The following ZNHIT6 variants were observed in gnomAD, a reference collection of about 807,000 sequenced individuals.
The protein encoded by ZNHIT6 is zinc finger HIT-type containing 6, also known as box C/D snoRNA protein 1.
Under a neutral mutation model 57.2 loss-of-function variants are expected in ZNHIT6, and 45 were observed. The ratio of observed to expected loss-of-function variants is 0.79; its 90% confidence interval spans 0.62 to 1.01. The LOEUF is 1.01. Ranked by LOEUF, ZNHIT6 falls within the 50% of genes least tolerant of loss-of-function variation. ZNHIT6 has a pLI of 0.00. For missense variants in ZNHIT6, 528 were observed against 567.3 expected (o/e 0.93, Z 0.70); for synonymous variants, 188 against 190.0 (o/e 0.99, Z 0.09).
intron 4 of ZNHIT6, among the ~76,000 whole-genome samples, chr1:85,705,377 G>T (rs1214063404): frequency 2.6e-5 from 4 of 151,984 alleles, no homozygotes; most frequent in Admixed American, 6.6e-5. Context: ...ACCACGCCTG[G>T]CTAATTTTTG....
chr1:85,666,068 A>C lies in ZNHIT6; in HGVS notation c.1248-8097T>G, dbSNP rs1661361315. On this transcript the variant is annotated intron_variant, in intron 8 of 9. Coordinates refer to ENST00000370574, the MANE Select transcript of ZNHIT6 (RefSeq NM_017953.4). ...CCTCATTCAACAAATATTTACTGAG[A>C]GTCTACCATGTTCCAGACACTGTTC... Among the ~76,000 whole-genome samples the C allele has an allele frequency of 2.0e-5, 3 of 152,208 alleles. No individual in the cohort carries two copies. The South Asian group carries it at 6.2e-4, about 31-fold the overall frequency.
Position 85,652,124 on chromosome 1 carries a change from AATTT to A in ZNHIT6, c.*1930_*1933del, listed in dbSNP as rs1159364927. The A allele has an allele frequency of 6.6e-6, 1 of 152,142 alleles. No homozygotes were observed. The highest frequency in any genetic ancestry group is 1.5e-5 in the Non-Finnish European group (1 of 68,026). The allele number at this position is 152,142 out of a possible 1,614,324, so 9.4% of individuals were successfully genotyped here. A position where few individuals can be genotyped will look rare whatever the true frequency, so the allele number is the denominator to read the frequency against. On this transcript the variant is annotated 3_prime_UTR_variant, in exon 10 of 10. Transcript: ENST00000370574. ...ATAGTTTGTTTTCTGTCCAGGTTTC[AATTT>A]AAATTCAGAAGGGGGGATGGAACTC...
At chr1:85,654,179 T>C in intron 9 of ZNHIT6, 81 bp from the exon 10 acceptor site, 1 of 1,222,622 alleles carries the variant, frequency 8.2e-7, no homozygotes, top group Non-Finnish European at 1.2e-6. Context: ...TCTCCCTCCT[T>C]CTGATGTACA....
At chr1:85,666,237 A>C (rs572491038) in intron 8 of ZNHIT6, among the ~76,000 whole-genome samples, 1 of 152,316 alleles carries the variant, frequency 6.6e-6, no homozygotes, top group Admixed American at 6.5e-5. Context: ...GGATATGTTT[A>C]AAGTACTGAG....
intron 4 of ZNHIT6, among the ~76,000 whole-genome samples, chr1:85,705,664 T>C (rs1025895368): frequency 2.0e-5 from 3 of 152,208 alleles, no homozygotes; most frequent in African/African-American, 7.2e-5. Flanking sequence ...CCTGGGATAA[T>C]CTGCCTCCAA....
chr1:85,698,899 A>G (rs1450930624), intron 5 of ZNHIT6, among the ~76,000 whole-genome samples: 6 of 152,146 alleles, frequency 3.9e-5, no homozygotes, highest in African/African-American at 1.2e-4. Context: ...TAAGGATTTC[A>G]GTGAAGGGAA....
intron 9 of ZNHIT6, among the ~76,000 whole-genome samples, chr1:85,657,617 T>A (rs1342293895): frequency 6.6e-6 from 1 of 152,134 alleles, no homozygotes; most frequent in East Asian, 1.9e-4. Flanking sequence ...TTATAGCCAT[T>A]CAATTTGATT....
chr1:85,687,571 A>G (rs1285441082), intron 5 of ZNHIT6, among the ~76,000 whole-genome samples: 1 of 152,108 alleles, frequency 6.6e-6, no homozygotes, highest in East Asian at 1.9e-4. Context: ...TTACAGGGAG[A>G]TTCATCATCC....
intron 5 of ZNHIT6, among the ~76,000 whole-genome samples, chr1:85,682,552 G>A (rs1661910088): frequency 6.6e-6 from 1 of 152,022 alleles, no homozygotes; most frequent in Admixed American, 6.6e-5. Flanking sequence ...AGAGAGAAAA[G>A]CCCTCGGAAA....
rs1191943086 is a variant in ZNHIT6, at chr1:85,650,273, C to T, written c.*3785G>A. 6.6e-6 allele frequency: 1 copy of T among 152,188 alleles called. No homozygotes were observed. Among genetic ancestry groups the T allele is most frequent in the Non-Finnish European group, 1.5e-5 (1 of 68,044 alleles). 9.4% of individuals were successfully genotyped at this position (152,188 alleles called of 1,614,324 possible). The stretch of plus-strand genomic sequence containing the variant: ...GAAAATGTCAATTGCTGTTATCCAC[C>T]ATCCTCTCACCTCACTGTTCCTCAT... On this transcript the variant is annotated 3_prime_UTR_variant, in exon 10 of 10. Coordinates refer to ENST00000370574, the MANE Select transcript of ZNHIT6 (RefSeq NM_017953.4).
intron 5 of ZNHIT6, among the ~76,000 whole-genome samples, chr1:85,688,653 A>G (rs1242918936): frequency 6.6e-6 from 1 of 152,188 alleles, no homozygotes; most frequent in East Asian, 1.9e-4. Context: ...GAAAATCAAC[A>G]TACTTTCCTG....
At chr1:85,678,806 A>C in intron 6 of ZNHIT6, 25 bp from the exon 7 acceptor site, 1 of 1,265,332 alleles carries the variant, frequency 7.9e-7, no homozygotes, top group African/African-American at 1.6e-5. Context: ...AAAAAAAACA[A>C]GCTATATTAG....
At chr1:85,684,775 C>A (rs1205197626) in intron 5 of ZNHIT6, among the ~76,000 whole-genome samples, 2 of 152,118 alleles carry the variant, frequency 1.3e-5, no homozygotes, top group Admixed American at 6.6e-5. Context: ...GATGAACACA[C>A]ACATTTAAGG....
intron 4 of ZNHIT6, among the ~76,000 whole-genome samples, chr1:85,703,844 C>A (rs1259048517): frequency 6.6e-6 from 1 of 152,024 alleles, no homozygotes; most frequent in Non-Finnish European, 1.5e-5. Context: ...AAAGACAAGA[C>A]AAAGACTAGA....
At chr1:85,703,032 G>A (rs1423886811) in intron 4 of ZNHIT6, among the ~76,000 whole-genome samples, 1 of 152,124 alleles carries the variant, frequency 6.6e-6, no homozygotes, top group African/African-American at 2.4e-5. Context: ...AGGAAAGGAT[G>A]GGTCAGCTAT....
At chr1:85,707,569 C>T in intron 1 of ZNHIT6, 60 bp downstream of exon 1, 2 of 1,468,214 alleles carry the variant, frequency 1.4e-6, no homozygotes, top group East Asian at 2.3e-5. Flanking sequence ...TGGTTTCCTT[C>T]ACTCTAGACA....
rs891437582 is a variant in ZNHIT6 at position 85,652,067 on chromosome 1, T to A, written c.*1991A>T. The A allele has an allele frequency of 3.9e-5, 6 of 152,178 alleles. No homozygotes were observed. The highest frequency in any genetic ancestry group is 3.9e-4 in the Admixed American group (6 of 15,284). The allele number at this position is 152,178 out of a possible 1,614,324, so 9.4% of individuals were successfully genotyped here. A position where few individuals can be genotyped will look rare whatever the true frequency, so the allele number is the denominator to read the frequency against. ...AGATGCATTAGATAATATAGATTTC[T>A]TTTTTTCCTCCTGAGCAGTGGAAAC... On this transcript the variant is annotated 3_prime_UTR_variant, in exon 10 of 10. Transcript: ENST00000370574.
Position 85,695,151 on chromosome 1 carries a change from C to T in ZNHIT6, c.1019+7006G>A, listed in dbSNP as rs558474402. 1.6e-4 allele frequency among the ~76,000 whole-genome samples: 24 copies of T among 152,114 alleles called. No homozygotes were observed. The South Asian group carries it at 4.8e-3, about 30-fold the overall frequency. On this transcript the variant is annotated intron_variant, in intron 5 of 9. Transcript: ENST00000370574. ...TGGTGGCAGGCACCTACAGTCCCAG[C>T]TACTGGGGAGGCTGAGGCAAGAGAA...
At chr1:85,657,661 G>A (rs1412627782) in intron 9 of ZNHIT6, among the ~76,000 whole-genome samples, 186 bp downstream of exon 9, 1 of 151,922 alleles carries the variant, frequency 6.6e-6, no homozygotes, top group Non-Finnish European at 1.5e-5. Flanking sequence ...AAGATTATAC[G>A]CTCTTAGAAA....
Sources: gnomAD v4.1 joint callset for allele counts (sites outside exome capture counted in the v4.1 genomes callset) on GRCh38, gnomAD v4.1.1 for gene constraint, MANE v1.5 for transcripts, NCBI Gene and HGNC (gene_info 2026-07-23, HGNC 2026-07-21) for gene names.